Variants in ATP8B4 observed in about 807,000 individuals in gnomAD.
ATP8B4 encodes the protein probable phospholipid-transporting ATPase IM.
In ATP8B4, 133 loss-of-function variants were observed where a neutral mutation model predicts 145.6. The observed-to-expected ratio is 0.91, with a 90% CI of 0.79 to 1.05. The LOEUF (loss-of-function observed/expected upper bound fraction) is 1.05, where lower values mean the gene tolerates loss of function less well. Ranked by LOEUF, ATP8B4 falls within the 50% of genes least tolerant of loss-of-function variation. The pLI, the probability that ATP8B4 is intolerant of heterozygous loss-of-function variation, is 0.00. For synonymous variants in ATP8B4, 507 were observed against 492.9 expected, an observed-to-expected ratio of 1.03 and a Z score of -0.38; for missense variants, 1,458 against 1,425.2, an observed-to-expected ratio of 1.02 and a Z score of -0.37.
intron 2 of ATP8B4, among the ~76,000 whole-genome samples, chr15:50,090,758 A>AT (rs879795453): frequency 4.9e-4 from 72 of 147,206 alleles, no homozygotes; most frequent in Middle Eastern, 7.1e-3. Context: ...TTGAAATGTG[A>AT]TTTTTTTTTT....
At position 49,918,842 on chromosome 15, in the gene ATP8B4, G is replaced by C. The variant is rs182913149; in HGVS notation, c.2032C>G (p.Gln678Glu). The C allele has an allele frequency of 1.3e-6, 2 of 1,599,018 alleles. No homozygotes were observed. Among genetic ancestry groups the C allele is most frequent in the South Asian group, 1.1e-5 (1 of 89,316 alleles). ...IKIWVLTGDK[Q>E]ETAINIGYAC... ...TCAACATCCATTTTCAAGTTACCTT[G>C]TTTGTCTCCTGTTAGGACCCAGATC... is the stretch of plus-strand genomic sequence containing the variant. Residue 678 changes from glutamine to glutamate, a missense_variant, in exon 19 of 28, where the codon CAA becomes GAA. Coordinates refer to ENST00000284509, the MANE Select transcript of ATP8B4 (RefSeq NM_024837.4).
chr15:50,148,274 A>C (rs1421492139), intron 1 of ATP8B4, among the ~76,000 whole-genome samples: 1 of 152,226 alleles, frequency 6.6e-6, no homozygotes, highest in African/African-American at 2.4e-5. Flanking sequence ...GCTCTTGATT[A>C]AAGGAAACAT....
chr15:50,005,922 CCTTTT>C (rs2048264052), intron 7 of ATP8B4, among the ~76,000 whole-genome samples: 3 of 147,842 alleles, frequency 2.0e-5, no homozygotes, highest in Admixed American at 6.6e-5. Flanking sequence ...TTTTGGATCG[CCTTTT>C]ATTTTTTAGG....
At chr15:50,150,807 T>C (rs1041581748) in intron 1 of ATP8B4, among the ~76,000 whole-genome samples, 6 of 152,178 alleles carry the variant, frequency 3.9e-5, no homozygotes, top group Admixed American at 1.3e-4. Context: ...AATATGACAA[T>C]TCTAATTTGC....
chr15:50,013,466 T>G (rs1190273579), intron 6 of ATP8B4, among the ~76,000 whole-genome samples: 2 of 152,148 alleles, frequency 1.3e-5, no homozygotes, highest in African/African-American at 4.8e-5. Flanking sequence ...GGAGAAGTTA[T>G]AAGATTTTAA....
intron 2 of ATP8B4, among the ~76,000 whole-genome samples, chr15:50,092,115 T>C (rs922743394): frequency 6.6e-6 from 1 of 152,144 alleles, no homozygotes; most frequent in Non-Finnish European, 1.5e-5. Flanking sequence ...AGAGAGGTCT[T>C]GGTACACACT....
At chr15:49,879,637 A>G (rs1346639303) in intron 23 of ATP8B4, 178 bp from the exon 24 acceptor site, 2 of 575,054 alleles carry the variant, frequency 3.5e-6, no homozygotes, top group Non-Finnish European at 6.2e-6. Context: ...ATGGGATACT[A>G]GATCTCTCTA....
chr15:50,062,151 C>T lies in ATP8B4; in HGVS notation c.87+11976G>A, dbSNP rs757677136. 3.9e-5 allele frequency among the ~76,000 whole-genome samples: 6 copies of T among 152,170 alleles called. No individual in the cohort carries two copies. The East Asian group carries it at 9.6e-4, about 24-fold the overall frequency. Reference sequence around the variant, plus strand: ...TGGATGTGTGTCCCCACCCAAGTCTCATATTGAAATGTAATCTCCAGTGTT... The same window carrying T: ...TGGATGTGTGTCCCCACCCAAGTCTTATATTGAAATGTAATCTCCAGTGTT... On this transcript the variant is annotated intron_variant, in intron 3 of 27. Transcript: ENST00000284509.
chr15:50,152,017 T>C (rs1055676502), intron 1 of ATP8B4, among the ~76,000 whole-genome samples: 5 of 152,164 alleles, frequency 3.3e-5, no homozygotes, highest in Admixed American at 2.0e-4. Flanking sequence ...ATTATCTTTA[T>C]CATTTATATA....
intron 20 of ATP8B4, among the ~76,000 whole-genome samples, chr15:49,912,347 C>T (rs2039314856): frequency 6.6e-6 from 1 of 152,062 alleles, no homozygotes; most frequent in Non-Finnish European, 1.5e-5. Flanking sequence ...AAAGACATTA[C>T]AACTTACGCC....
chr15:49,925,243 A>T (rs1033095837), intron 16 of ATP8B4, among the ~76,000 whole-genome samples: 7 of 144,682 alleles, frequency 4.8e-5, no homozygotes, highest in African/African-American at 1.7e-4. Context: ...CTATAAAAAA[A>T]CTATATTTTC....
chr15:49,908,055 C>G (rs756094282), intron 20 of ATP8B4: 76 of 456,056 alleles, frequency 1.7e-4, no homozygotes, highest in Middle Eastern at 3.3e-4. Context: ...CCTCTATATA[C>G]TTCGACTTCC....
chr15:49,927,633 C>T (rs28450634), intron 16 of ATP8B4, among the ~76,000 whole-genome samples: 5,926 of 152,176 alleles, frequency 0.039, 151 homozygotes, highest in South Asian at 0.085. Flanking sequence ...TCTCCACAGC[C>T]TGTAATGGTG....
chr15:50,059,197 C>T (rs146311884), intron 3 of ATP8B4, among the ~76,000 whole-genome samples: 2 of 152,230 alleles, frequency 1.3e-5, no homozygotes, highest in East Asian at 3.9e-4. Context: ...AGGCATTTGC[C>T]TTCTGTAGGA....
At chr15:49,886,094 T>C (rs954591457) in intron 23 of ATP8B4, among the ~76,000 whole-genome samples, 2 of 152,204 alleles carry the variant, frequency 1.3e-5, no homozygotes, top group Admixed American at 6.5e-5. Context: ...ATTTATATGC[T>C]GGTTCCTAGC....
In ATP8B4 at chr15:50,090,268, T is replaced by G. The variant is rs2055518390; in HGVS notation, c.29-16083A>C. On this transcript the variant is annotated intron_variant, in intron 2 of 27. Transcript: ENST00000284509. ...GAAAAATAGTTAATGCATGCTGGGC[T>G]TAATTCCTAGGTGACAGGTTGATAG... 3.3e-5 allele frequency among the ~76,000 whole-genome samples: 5 copies of G among 152,154 alleles called. No homozygotes were observed. In the South Asian group the frequency reaches 1.0e-3, roughly 31 times the overall value.
chr15:49,917,714 G>T (rs768652539), intron 19 of ATP8B4, among the ~76,000 whole-genome samples: 1 of 152,218 alleles, frequency 6.6e-6, no homozygotes, highest in Middle Eastern at 3.4e-3. Context: ...ATCTAATAGA[G>T]TTATTTGATT....
intron 1 of ATP8B4, among the ~76,000 whole-genome samples, chr15:50,153,371 C>T (rs922912498): frequency 3.4e-5 from 5 of 148,134 alleles, no homozygotes; most frequent in African/African-American, 7.5e-5. Flanking sequence ...CGGTGTCCCA[C>T]GCTGTCGCCC....
chr15:50,160,755 A>AT (rs2044506073), intron 1 of ATP8B4, among the ~76,000 whole-genome samples: 1 of 151,640 alleles, frequency 6.6e-6, no homozygotes, highest in East Asian at 1.9e-4. Context: ...ATGATTTCCA[A>AT]TTTTTTGAAA....
Sources: gnomAD v4.1 joint callset for allele counts (sites outside exome capture counted in the v4.1 genomes callset) on GRCh38, gnomAD v4.1.1 for gene constraint, MANE v1.5 for transcripts, NCBI Gene and HGNC (gene_info 2026-07-23, HGNC 2026-07-21) for gene names.